The following IDO2 variants were observed in gnomAD, a reference collection of about 807,000 sequenced individuals.
The protein encoded by IDO2 is indoleamine 2,3-dioxygenase-like 1 protein.
In IDO2, 46 loss-of-function variants were observed where a neutral mutation model predicts 45.1. The ratio of observed to expected loss-of-function variants is 1.02; its 90% CI spans 0.80 to 1.30. IDO2 has a LOEUF of 1.30. Ranked by LOEUF, IDO2 falls within the 50% of genes most tolerant of loss-of-function variation. The probability of loss-of-function intolerance (pLI) is 0.00; values close to 1 mark genes in which losing one functional copy is unlikely to be tolerated. For synonymous variants in IDO2, 218 were observed against 184.9 expected, an observed-to-expected ratio of 1.18 and a Z score of -1.45; for missense variants, 544 against 491.8, an observed-to-expected ratio of 1.11 and a Z score of -1.00.
chr8:39,975,920 T>C (rs6990776), intron 3 of IDO2, among the ~76,000 whole-genome samples: 23,810 of 152,102 alleles, frequency 0.16, 2,853 homozygotes, highest in African/African-American at 0.34. Flanking sequence ...GAAAAGGAAA[T>C]CATAGAATAT....
At chr8:39,963,423 T>C (rs886710780) in intron 2 of IDO2, among the ~76,000 whole-genome samples, 185 bp from the exon 3 acceptor site, 1 of 152,240 alleles carries the variant, frequency 6.6e-6, no homozygotes, top group African/African-American at 2.4e-5. Flanking sequence ...CTAGGCAATA[T>C]GCTCCTTAGT....
Position 40,005,392 on chromosome 8 carries a change from A to T in IDO2, c.719+14A>T. 6.6e-7 allele frequency: 1 copy of T among 1,526,050 alleles called. No homozygotes were observed. 94.5% of individuals were successfully genotyped at this position (1,526,050 alleles called of 1,614,324 possible). ...CTTTCTCTCTGGGTAAGTATAGTTC[A>T]GTTGTTTTCCTGTGTGAAGTCTCTG... On this transcript the variant is annotated intron_variant, in intron 9 of 10. Coordinates refer to ENST00000502986, the Ensembl canonical transcript of IDO2.
chr8:39,965,331 G>C (rs2052377), intron 3 of IDO2, among the ~76,000 whole-genome samples: 55,403 of 151,798 alleles, frequency 0.36, 10,596 homozygotes, highest in East Asian at 0.58. Flanking sequence ...ACTAAAAATA[G>C]AAAAAATTAG....
chr8:39,942,316 C>T (rs942990943), intron 1 of IDO2, among the ~76,000 whole-genome samples: 1 of 152,194 alleles, frequency 6.6e-6, no homozygotes, highest in African/African-American at 2.4e-5. Flanking sequence ...TGATAGAACA[C>T]AGACTCACAC....
At position 39,999,159 on chromosome 8, in the gene IDO2, A is replaced by G. The variant is rs139938631; in HGVS notation, c.668-6168A>G. ...AAAGCTTCTGGTTTCCATGGTTGCTATTGAGATGTTAGCTGTCGGTTTATC... is the reference window on the plus strand; with the variant it reads ...AAAGCTTCTGGTTTCCATGGTTGCTGTTGAGATGTTAGCTGTCGGTTTATC... On this transcript the variant is annotated intron_variant, in intron 8 of 10. Transcript: ENST00000502986. 8.9e-3 allele frequency among the ~76,000 whole-genome samples: 1,347 copies of G among 151,762 alleles called. 28 individuals carry two copies. Among genetic ancestry groups the G allele is most frequent in the Admixed American group, 0.025 (383 of 15,250 alleles).
At position 39,963,589 on chromosome 8, in the gene IDO2, G is replaced by A. The variant is rs1444227606; in HGVS notation, c.100-19G>A. The A allele has an allele frequency of 1.3e-6, 2 of 1,505,056 alleles. No homozygotes were observed. The highest frequency in any genetic ancestry group is 1.8e-5 in the Admixed American group (1 of 55,576). The allele number at this position is 1,505,056 out of a possible 1,614,324, so 93.2% of individuals were successfully genotyped here. On this transcript the variant is annotated intron_variant, in intron 2 of 10. Transcript: ENST00000502986. Reference sequence around the variant, plus strand: ...CCAGAGAGGTCTAAAATATTTACATGTTTCTATTTTAAATGCAGAAAGAAC... The same window carrying A: ...CCAGAGAGGTCTAAAATATTTACATATTTCTATTTTAAATGCAGAAAGAAC...
exon 11 of IDO2, chr8:40,015,535 C>A (rs907094758): frequency 1.9e-6 from 3 of 1,613,866 alleles, no homozygotes; most frequent in Admixed American, 3.3e-5. Flanking sequence ...GGTGGAACCG[C>A]AGTTATGAGC....
chr8:39,977,205 G>A (rs949402366), intron 3 of IDO2, among the ~76,000 whole-genome samples: 1 of 152,120 alleles, frequency 6.6e-6, no homozygotes, highest in Non-Finnish European at 1.5e-5. Flanking sequence ...AATAATATAA[G>A]TAGTTAAGAC....
intron 1 of IDO2, 49 bp from the exon 2 acceptor site, chr8:39,949,100 G>A: frequency 6.4e-7 from 1 of 1,554,668 alleles, no homozygotes; most frequent in Non-Finnish European, 8.7e-7. Context: ...GAACCTGGGT[G>A]TTTAATTTAT....
chr8:40,010,057 T>G (rs1802288839), intron 9 of IDO2, among the ~76,000 whole-genome samples: 2 of 152,070 alleles, frequency 1.3e-5, no homozygotes, highest in African/African-American at 4.8e-5. Flanking sequence ...GATGGACAAT[T>G]AATACACAAG....
chr8:40,001,245 A>ATTTTTTT (rs1187145007), intron 8 of IDO2, among the ~76,000 whole-genome samples: 8 of 94,444 alleles, frequency 8.5e-5, no homozygotes, highest in East Asian at 3.4e-4. Flanking sequence ...GGCTTTCCTC[A>ATTTTTTT]TTTTTTTTTT....
intron 3 of IDO2, among the ~76,000 whole-genome samples, chr8:39,969,758 C>T (rs1025242864): frequency 6.6e-6 from 1 of 152,078 alleles, no homozygotes; most frequent in South Asian, 2.1e-4. Flanking sequence ...ACCTGTAATC[C>T]TAGCTACTCA....
At chr8:39,964,360 G>A (rs2729461) in intron 3 of IDO2, among the ~76,000 whole-genome samples, 28,778 of 152,110 alleles carry the variant, frequency 0.19, 2,725 homozygotes, top group East Asian at 0.27. Context: ...AGAAACTCTG[G>A]TCTCACAGTA....
intron 3 of IDO2, among the ~76,000 whole-genome samples, chr8:39,968,293 A>G (rs1808127263): frequency 6.6e-6 from 1 of 152,218 alleles, no homozygotes; most frequent in African/African-American, 2.4e-5. Context: ...TTCTTTTCAA[A>G]TGACTTTTTA....
At chr8:39,984,237 G>A (rs901118798) in intron 5 of IDO2, among the ~76,000 whole-genome samples, 2 of 152,202 alleles carry the variant, frequency 1.3e-5, no homozygotes, top group African/African-American at 4.8e-5. Flanking sequence ...CACATTGGGA[G>A]GCCCAGGTGG....
chr8:39,988,276 T>C (rs1249446779), intron 7 of IDO2, among the ~76,000 whole-genome samples: 1 of 152,040 alleles, frequency 6.6e-6, no homozygotes, highest in Non-Finnish European at 1.5e-5. Context: ...ATGGATACAG[T>C]GGATGAAGAT....
chr8:39,953,046 C>A (rs566562367), intron 2 of IDO2, among the ~76,000 whole-genome samples: 2 of 152,092 alleles, frequency 1.3e-5, no homozygotes, highest in South Asian at 4.2e-4. Flanking sequence ...AGGATTACAG[C>A]CATGAACCAC....
At chr8:39,962,294 T>G (rs1808010963) in intron 2 of IDO2, among the ~76,000 whole-genome samples, 1 of 152,216 alleles carries the variant, frequency 6.6e-6, no homozygotes, top group South Asian at 2.1e-4. Context: ...ATCTTTAATA[T>G]ATGGCTTCTC....
chr8:39,972,079 G>T (rs1281718000), intron 3 of IDO2, among the ~76,000 whole-genome samples: 2 of 152,160 alleles, frequency 1.3e-5, no homozygotes, highest in Non-Finnish European at 2.9e-5. Context: ...CAAAGTGCTG[G>T]GATTACAGGC....
Sources: allele counts gnomAD v4.1 joint callset (sites outside exome capture counted in the v4.1 genomes callset), GRCh38; gene constraint gnomAD v4.1.1; transcripts MANE v1.5; gene names NCBI Gene and HGNC (gene_info 2026-07-23, HGNC 2026-07-21).